Variants in SLIRP observed in about 807,000 individuals in gnomAD.
The protein encoded by SLIRP is SRA stem-loop interacting RNA binding protein.
A neutral mutation model predicts 13.4 loss-of-function variants in SLIRP; 12 were observed. The ratio of observed to expected loss-of-function variants is 0.89; its 90% confidence interval spans 0.57 to 1.45. The LOEUF is 1.45. Among genes scored for constraint, SLIRP ranks in the 40% most tolerant of loss-of-function variants. The pLI, the probability that SLIRP is intolerant of heterozygous loss-of-function variation, is 0.00. For missense variants in SLIRP, 154 were observed against 132.2 expected, an observed-to-expected ratio of 1.17 and a Z score of -0.81; for synonymous variants, 55 against 47.1, an observed-to-expected ratio of 1.17 and a Z score of -0.69.
chr14:77,715,956 C>G (rs1252687280), intron 3 of SLIRP, 77 bp downstream of exon 3: 8 of 1,109,080 alleles, frequency 7.2e-6, no homozygotes, highest in Admixed American at 2.0e-5. Context: ...TTAAATAGAT[C>G]ATAAATGTGG....
chr14:77,714,266 A>G (rs1192333167), intron 2 of SLIRP, among the ~76,000 whole-genome samples: 2 of 151,782 alleles, frequency 1.3e-5, no homozygotes, highest in Non-Finnish European at 2.9e-5. Context: ...CTCAGCTCCC[A>G]AAGTGCTGTG....
intron 1 of SLIRP, among the ~76,000 whole-genome samples, chr14:77,710,169 C>T (rs2080429343): frequency 6.6e-6 from 1 of 152,172 alleles, no homozygotes; most frequent in African/African-American, 2.4e-5. Context: ...TGAAGTCTCA[C>T]AGGGCTGGTA....
chr14:77,714,912 C>T (rs1408284247), intron 2 of SLIRP, among the ~76,000 whole-genome samples: 2 of 152,150 alleles, frequency 1.3e-5, no homozygotes, highest in Non-Finnish European at 2.9e-5. Context: ...TCCAAGCACT[C>T]TAGAATCTGT....
At chr14:77,714,327 G>T (rs2080460533) in intron 2 of SLIRP, among the ~76,000 whole-genome samples, 1 of 152,086 alleles carries the variant, frequency 6.6e-6, no homozygotes. Context: ...TTTTGAGACA[G>T]CCTTGCTCTG....
intron 2 of SLIRP, among the ~76,000 whole-genome samples, chr14:77,711,584 C>G (rs1416593327): frequency 1.3e-5 from 2 of 151,988 alleles, no homozygotes; most frequent in Non-Finnish European, 2.9e-5. Flanking sequence ...GAGACAGGGT[C>G]TTGTTCTGTC....
intron 1 of SLIRP, among the ~76,000 whole-genome samples, chr14:77,709,976 T>TA (rs1369653372): frequency 6.6e-6 from 1 of 152,126 alleles, no homozygotes; most frequent in Admixed American, 6.6e-5. Context: ...AGCTTACAAT[T>TA]AGTGGTGGGG....
Position 77,710,598 on chromosome 14 carries a change from G to T in SLIRP, c.98-240G>T. 4.0e-6 allele frequency: 6 copies of T among 1,497,940 alleles called. No individual in the cohort carries two copies. In the South Asian group the frequency reaches 7.2e-5, roughly 18 times the overall value. 92.8% of individuals were successfully genotyped at this position (1,497,940 alleles called of 1,614,324 possible). On this transcript the variant is annotated intron_variant, in intron 1 of 3. Coordinates refer to ENST00000557342, the MANE Select transcript of SLIRP (RefSeq NM_031210.6). ...CACAGTAACTGGTATGAAAACACTC[G>T]ATATTTGCTGAGGATGGAGACTGCA...
At chr14:77,709,349 GATGTGAGTAGTAGA>G (rs1425274784) in intron 1 of SLIRP, among the ~76,000 whole-genome samples, 11 of 152,210 alleles carry the variant, frequency 7.2e-5, no homozygotes, top group African/African-American at 2.4e-4. Flanking sequence ...TAGTGGCTCA[GATGTGAGTAGTAGA>G]ATGGGAAATA....
Position 77,716,729 on chromosome 14 carries a change from T to G in SLIRP, c.265-767T>G, listed in dbSNP as rs2080485763. Among the ~76,000 whole-genome samples the G allele has an allele frequency of 2.0e-5, 3 of 151,130 alleles. No homozygotes were observed. In the South Asian group the frequency reaches 6.3e-4, roughly 32 times the overall value. On this transcript the variant is annotated intron_variant, in intron 3 of 3. Coordinates refer to ENST00000557342, the MANE Select transcript of SLIRP (RefSeq NM_031210.6). The stretch of plus-strand genomic sequence containing the variant: ...AAGTACAAGATGACCCTTTAATGGG[T>G]AGCAAGATATGTAACACAGTGGACA...
intron 2 of SLIRP, among the ~76,000 whole-genome samples, chr14:77,713,969 A>T (rs964506823): frequency 2.6e-5 from 4 of 151,688 alleles, no homozygotes; most frequent in Non-Finnish European, 4.4e-5. Flanking sequence ...AAATATGACA[A>T]AAAAAATATT....
intron 3 of SLIRP, 66 bp downstream of exon 3, chr14:77,715,945 A>G (rs559378754): frequency 7.1e-5 from 83 of 1,172,828 alleles, no homozygotes; most frequent in Admixed American, 1.1e-4. Flanking sequence ...TTATGTATCA[A>G]TTAAATAGAT....
intron 3 of SLIRP, 25 bp downstream of exon 3, chr14:77,715,904 CATACATGAT>C: frequency 6.6e-7 from 1 of 1,514,084 alleles, no homozygotes; most frequent in South Asian, 1.1e-5. Flanking sequence ...ATGCCAGATA[CATACATGAT>C]ATACATGTAG....
chr14:77,714,992 G>T (rs1306234788), intron 2 of SLIRP, among the ~76,000 whole-genome samples: 1 of 152,198 alleles, frequency 6.6e-6, no homozygotes, highest in Admixed American at 6.5e-5. Flanking sequence ...AAATTAACCA[G>T]AAGTCTGTAA....
rs769193324 is a variant in SLIRP, at chr14:77,715,859, CAT to C, written c.247_248del (p.Ile83TyrfsTer11). ...GLRNALQQENHIIDGVKVQVH... is the reference protein window; with the variant it reads ...GLRNALQQENXIIDGVKVQVH... ...TCGGAATGCACTACAACAGGAAAAT[CAT>C]ATTATAGATGGAGTAAAGGTAAATT... is the stretch of plus-strand genomic sequence containing the variant. On this transcript the variant is annotated frameshift_variant, in exon 3 of 4. Coordinates refer to ENST00000557342, the MANE Select transcript of SLIRP (RefSeq NM_031210.6). LOFTEE classifies it high-confidence loss of function. 13 of 1,613,486 alleles carry C rather than the reference CAT, an allele frequency of 8.1e-6. No individual in the cohort carries two copies. The Admixed American group carries it at 2.2e-4, about 27-fold the overall frequency.
chr14:77,716,835 C>G (rs1190897165), intron 3 of SLIRP, among the ~76,000 whole-genome samples: 1 of 151,956 alleles, frequency 6.6e-6, no homozygotes, highest in Non-Finnish European at 1.5e-5. Context: ...AATCTTGGAT[C>G]ACTGCAACCT....
At chr14:77,708,935 G>A (rs2080418230) in intron 1 of SLIRP, among the ~76,000 whole-genome samples, 1 of 152,176 alleles carries the variant, frequency 6.6e-6, no homozygotes, top group Admixed American at 6.5e-5. Context: ...TTGAATAACT[G>A]AAGTTAGTAT....
intron 3 of SLIRP, among the ~76,000 whole-genome samples, chr14:77,716,732 C>T (rs1015216785): frequency 1.3e-5 from 2 of 150,844 alleles, no homozygotes; most frequent in African/African-American, 4.9e-5. Context: ...TAATGGGTAG[C>T]AAGATATGTA....
chr14:77,712,275 CT>C (rs35035208), intron 2 of SLIRP, among the ~76,000 whole-genome samples: 115 of 137,332 alleles, frequency 8.4e-4, no homozygotes, highest in Non-Finnish European at 7.9e-4. Flanking sequence ...GGCAAAATTC[CT>C]TTTTTTTTTT....
At chr14:77,715,354 C>T (rs2080467979) in intron 2 of SLIRP, among the ~76,000 whole-genome samples, 1 of 151,996 alleles carries the variant, frequency 6.6e-6, no homozygotes, top group Non-Finnish European at 1.5e-5. Context: ...GTCTGTGATC[C>T]GATTTTTGGC....
Sources: allele counts gnomAD v4.1 joint callset (sites outside exome capture counted in the v4.1 genomes callset), GRCh38; gene constraint gnomAD v4.1.1; transcripts MANE v1.5; gene names NCBI Gene and HGNC (gene_info 2026-07-23, HGNC 2026-07-21).